Variants in CDH23 observed in about 807,000 individuals in gnomAD.
CDH23 encodes cadherin-23.
CDH23 carries 189 observed loss-of-function variants against 317.1 expected under a neutral mutation model. That is an observed-to-expected ratio of 0.60 (90% CI 0.53 to 0.67). CDH23 has a LOEUF of 0.67. CDH23 is among the 30% of genes least tolerant of loss of function. The pLI, the probability that CDH23 is intolerant of heterozygous loss-of-function variation, is 0.00. For synonymous variants in CDH23, 1,839 were observed against 1,876.8 expected (o/e 0.98, Z 0.52); for missense variants, 4,401 against 4,592.4 (o/e 0.96, Z 1.20).
chr10:71,687,540 T>G, intron 18 of CDH23, 107 bp from the exon 19 acceptor site: 1 of 997,354 alleles, frequency 1.0e-6, no homozygotes, highest in Non-Finnish European at 1.6e-6. Flanking sequence ...GCCAAAGCTC[T>G]TTAGGGCCAG....
chr10:71,625,349 G>C (rs571983054), intron 11 of CDH23, among the ~76,000 whole-genome samples: 1 of 128,932 alleles, frequency 7.8e-6, no homozygotes, highest in African/African-American at 2.9e-5. Context: ...AAAAAAAAAC[G>C]GAAAGAATTA....
At chr10:71,607,576 G>A (rs1860606583) in intron 9 of CDH23, among the ~76,000 whole-genome samples, 1 of 152,242 alleles carries the variant, frequency 6.6e-6, no homozygotes, top group African/African-American at 2.4e-5. Flanking sequence ...AGGGGCCACA[G>A]CTGGGACTAG....
chr10:71,506,211 C>T (rs1853626694), intron 3 of CDH23, among the ~76,000 whole-genome samples: 1 of 151,962 alleles, frequency 6.6e-6, no homozygotes, highest in Non-Finnish European at 1.5e-5. Flanking sequence ...AAAATGGATT[C>T]GTGGTTGCCA....
chr10:71,675,522 A>G (rs1195604192), intron 15 of CDH23, among the ~76,000 whole-genome samples: 1 of 152,246 alleles, frequency 6.6e-6, no homozygotes, highest in Non-Finnish European at 1.5e-5. Context: ...TGTCAGGCTC[A>G]TGATGGCCAA....
At chr10:71,432,240 G>A (rs374274108) in intron 1 of CDH23, among the ~76,000 whole-genome samples, 53 of 152,186 alleles carry the variant, frequency 3.5e-4, no homozygotes, top group Middle Eastern at 3.4e-3. Context: ...GAGAATGTGT[G>A]TGTGTGCATG....
chr10:71,525,502 G>A (rs778164663), intron 6 of CDH23, among the ~76,000 whole-genome samples: 6 of 152,178 alleles, frequency 3.9e-5, no homozygotes, highest in Non-Finnish European at 7.3e-5. Flanking sequence ...AACAATCCAC[G>A]AGGGCCAGCC....
intron 27 of CDH23, chr10:71,711,769 G>T (rs1017208782): frequency 1.3e-5 from 2 of 152,182 alleles, no homozygotes; most frequent in African/African-American, 2.4e-5. Flanking sequence ...GAAATCAGAA[G>T]ATCTGGTGTC....
intron 1 of CDH23, among the ~76,000 whole-genome samples, chr10:71,437,767 G>T (rs143256979): frequency 6.6e-6 from 1 of 152,148 alleles, no homozygotes; most frequent in African/African-American, 2.4e-5. Context: ...TTTTCATTGA[G>T]AAAAATCAGA....
At chr10:71,431,593 G>A (rs764561920) in intron 1 of CDH23, among the ~76,000 whole-genome samples, 3 of 152,200 alleles carry the variant, frequency 2.0e-5, no homozygotes, top group South Asian at 2.1e-4. Context: ...TTTCTGCAGC[G>A]CATTTCTGTA....
intron 6 of CDH23, among the ~76,000 whole-genome samples, chr10:71,514,498 G>A (rs780609882): frequency 2.0e-5 from 3 of 152,114 alleles, no homozygotes; most frequent in African/African-American, 2.4e-5. Flanking sequence ...AGTGGGAGGC[G>A]GTTCAAGGCT....
rs1470606204 is a variant in CDH23, at chr10:71,815,369, C to A, written c.*91C>A. ...CAGGGACAGGGCCGGTCGGGGGGGA[C>A]CCTCCAAGGCCAGGCCTTGGGGACA... is the stretch of plus-strand genomic sequence containing the variant. On this transcript the variant is annotated 3_prime_UTR_variant, in exon 70 of 70. Transcript: ENST00000224721. The A allele has an allele frequency of 8.0e-6, 10 of 1,244,798 alleles. No individual in the cohort carries two copies. In the African/African-American group the frequency reaches 1.2e-4, roughly 15 times the overall value. The allele number at this position is 1,244,798 out of a possible 1,614,324, so 77.1% of individuals were successfully genotyped here.
intron 3 of CDH23, among the ~76,000 whole-genome samples, chr10:71,462,170 G>A (rs1851027849): frequency 6.6e-6 from 1 of 152,242 alleles, no homozygotes; most frequent in Non-Finnish European, 1.5e-5. Context: ...GCCCATGGGG[G>A]AAGGCAGGCC....
At chr10:71,781,154 A>G (rs1840942273) in intron 41 of CDH23, among the ~76,000 whole-genome samples, 1 of 152,132 alleles carries the variant, frequency 6.6e-6, no homozygotes, top group African/African-American at 2.4e-5. Context: ...AAATCCAGGA[A>G]ACAAAGAGCG....
At chr10:71,520,962 AATT>A (rs978374375) in intron 6 of CDH23, among the ~76,000 whole-genome samples, 45 of 151,988 alleles carry the variant, frequency 3.0e-4, no homozygotes, top group African/African-American at 9.9e-4. Flanking sequence ...GGGTTGATGG[AATT>A]ATTATAATTT....
chr10:71,560,583 G>A (rs1235131354), intron 6 of CDH23, among the ~76,000 whole-genome samples: 1 of 152,162 alleles, frequency 6.6e-6, no homozygotes, highest in East Asian at 1.9e-4. Context: ...CCTTGGACAA[G>A]TGGCTTCATT....
At chr10:71,773,837 T>A (rs1365420385) in intron 38 of CDH23, among the ~76,000 whole-genome samples, 1 of 152,186 alleles carries the variant, frequency 6.6e-6, no homozygotes, top group Non-Finnish European at 1.5e-5. Flanking sequence ...GCATCTGCCC[T>A]CAGCCACCAG....
Position 71,761,855 on chromosome 10 carries a change from T to C in CDH23, c.4846-15825T>C, listed in dbSNP as rs1049821483. On this transcript the variant is annotated intron_variant, in intron 38 of 69. Transcript: ENST00000224721. ...CGTGAGGTTGCGGATGGGCCGGCGC[T>C]CTGAGCAGGTCTGCACCTCGCCCCT... is the stretch of plus-strand genomic sequence containing the variant. 2.5e-6 allele frequency: 4 copies of C among 1,614,060 alleles called. No individual in the cohort carries two copies. In the African/African-American group the frequency reaches 4.0e-5, roughly 16 times the overall value.
chr10:71,602,411 G>T (rs1860281779), intron 9 of CDH23, among the ~76,000 whole-genome samples: 1 of 152,154 alleles, frequency 6.6e-6, no homozygotes, highest in South Asian at 2.1e-4. Context: ...AGGCTCAAAG[G>T]CAAAGTCACT....
Position 71,808,017 on chromosome 10 carries a change from G to A in CDH23, c.8722+10G>A, listed in dbSNP as rs1489710438. 7.0e-6 allele frequency: 11 copies of A among 1,574,268 alleles called. 1 individual carries two copies. The South Asian group carries it at 1.0e-4, about 15-fold the overall frequency. On this transcript the variant is annotated intron_variant, in intron 60 of 69. Transcript: ENST00000224721. ...CAGGTCTTCACCATGGGTAGGGCCTGGCAGCACATGAGTGGCCTCTAGCCA... is the reference window on the plus strand; with the variant it reads ...CAGGTCTTCACCATGGGTAGGGCCTAGCAGCACATGAGTGGCCTCTAGCCA...
Sources: allele counts gnomAD v4.1 joint callset (sites outside exome capture counted in the v4.1 genomes callset), GRCh38; gene constraint gnomAD v4.1.1; transcripts MANE v1.5; gene names NCBI Gene and HGNC (gene_info 2026-07-23, HGNC 2026-07-21).